The following PCDHGA3 variants were observed in gnomAD, a reference collection of about 807,000 sequenced individuals.
The protein encoded by PCDHGA3 is protocadherin gamma-A3.
Under a neutral mutation model 58.5 loss-of-function variants are expected in PCDHGA3, and 40 were observed. The observed-to-expected ratio is 0.68, with a 90% CI of 0.53 to 0.89. PCDHGA3 has a LOEUF of 0.89. PCDHGA3 is among the 40% of genes least tolerant of loss of function. The pLI, the probability that PCDHGA3 is intolerant of heterozygous loss-of-function variation, is 0.00. For synonymous variants in PCDHGA3, 530 were observed against 525.7 expected, an observed-to-expected ratio of 1.01 and a Z score of -0.11; for missense variants, 1,223 against 1,195.9, an observed-to-expected ratio of 1.02 and a Z score of -0.33.
rs1357530807 is a variant in PCDHGA3, at chr5:141,365,228, G to A, written c.2424+18771G>A. On this transcript the variant is annotated intron_variant, in intron 1 of 3. Coordinates refer to ENST00000253812, the MANE Select transcript of PCDHGA3 (RefSeq NM_018916.4). ...TTTCCAACTTGATTCCAACCTGGGG[G>A]AAATCTCAACTCTACAATCACTGGA... 2.5e-6 allele frequency: 4 copies of A among 1,613,942 alleles called. No homozygotes were observed. In the South Asian group the frequency reaches 3.3e-5, roughly 13 times the overall value.
intron 1 of PCDHGA3, among the ~76,000 whole-genome samples, chr5:141,454,831 A>C (rs1489772379): frequency 1.3e-5 from 1 of 78,366 alleles, no homozygotes; most frequent in African/African-American, 6.7e-5. Context: ...TTTTTGAGAC[A>C]GAGTCGCGCT....
chr5:141,433,204 C>CT, intron 1 of PCDHGA3: 2 of 1,566,944 alleles, frequency 1.3e-6, no homozygotes, highest in Admixed American at 2.0e-5. Flanking sequence ...ATCAAATCTT[C>CT]TTTCTTTTTT....
chr5:141,494,843 G>T lies in PCDHGA3; in HGVS notation c.2461G>T (p.Ala821Ser). The T allele has an allele frequency of 6.2e-7, 1 of 1,614,088 alleles. No individual in the cohort carries two copies. The highest frequency in any genetic ancestry group is 8.5e-7 in the Non-Finnish European group (1 of 1,180,006). ...PPNTDWRFSQ[A>S]QRPGTSGSQN... Reference sequence around the variant, plus strand: ...CAACACGGACTGGCGTTTCTCTCAGGCCCAGAGACCCGGCACCAGCGGGTA... The same window carrying T: ...CAACACGGACTGGCGTTTCTCTCAGTCCCAGAGACCCGGCACCAGCGGGTA... Residue 821 changes from alanine (A) to serine (S), a missense_variant, in exon 2 of 4, where the codon GCC becomes TCC. This residue lies in a region of PCDHGA3 where 325 missense variants were observed against 327.5 expected (regional missense o/e 0.99). Transcript: ENST00000253812.
At chr5:141,415,569 A>G (rs962518094) in intron 1 of PCDHGA3, 12 of 1,614,092 alleles carry the variant, frequency 7.4e-6, no homozygotes, top group Non-Finnish European at 1.0e-5. Flanking sequence ...TGTCTTTGTT[A>G]GATGATTCGA....
At chr5:141,430,737 A>G in intron 1 of PCDHGA3, 1 of 1,498,286 alleles carries the variant, frequency 6.7e-7, no homozygotes, top group South Asian at 1.4e-5. Flanking sequence ...CAGAATTGAA[A>G]ATAATTCTGG....
chr5:141,505,270 G>C, intron 2 of PCDHGA3, 123 bp from the exon 3 acceptor site: 1 of 1,520,726 alleles, frequency 6.6e-7, no homozygotes, highest in African/African-American at 1.4e-5. Context: ...CTTGCTGAGA[G>C]AAACAGGTCT....
chr5:141,486,168 A>C lies in PCDHGA3; in HGVS notation c.2425-8639A>C, dbSNP rs774913463. 6.2e-7 allele frequency: 1 copy of C among 1,614,196 alleles called. No homozygotes were observed. Among genetic ancestry groups the C allele is most frequent in the South Asian group, 1.1e-5 (1 of 91,084 alleles). On this transcript the variant is annotated intron_variant, in intron 1 of 3. Transcript: ENST00000253812. The surrounding 1 kb of genome is among the most constrained non-coding windows in gnomAD (Gnocchi z 5.0). ...GATGGGGGTTCTCCAGCCATGGAGC[A>C]ACATTGCAGCCTTCGAGTGGATCTG...
chr5:141,364,676 AT>A, intron 1 of PCDHGA3: 2 of 1,614,002 alleles, frequency 1.2e-6, no homozygotes, highest in South Asian at 2.2e-5. Context: ...CAAAATGAAA[AT>A]TTATGGAGTA....
At chr5:141,428,066 A>T in intron 1 of PCDHGA3, 2 of 1,609,118 alleles carry the variant, frequency 1.2e-6, no homozygotes, top group Non-Finnish European at 1.7e-6. Context: ...CGGTGGACGC[A>T]GATTCGGGAC....
In PCDHGA3 at chr5:141,491,667, G is replaced by C. The variant is rs746903142; in HGVS notation, c.2425-3140G>C. The C allele has an allele frequency of 3.7e-6, 6 of 1,613,678 alleles. No individual in the cohort carries two copies. The South Asian group carries it at 6.6e-5, about 18-fold the overall frequency. On this transcript the variant is annotated intron_variant, in intron 1 of 3. Transcript: ENST00000253812. This position sits in a 1 kb window ranked among gnomAD's most constrained non-coding sequence, Gnocchi z 6.9. Reference sequence around the variant, plus strand: ...TGGCGCTGGAGCCTGACGCCATCCGGTCCCGCTCTAATACGCTGCGGGAGC... The same window carrying C: ...TGGCGCTGGAGCCTGACGCCATCCGCTCCCGCTCTAATACGCTGCGGGAGC...
intron 2 of PCDHGA3, among the ~76,000 whole-genome samples, chr5:141,501,526 G>A (rs2099809738): frequency 6.6e-6 from 1 of 151,962 alleles, no homozygotes; most frequent in Non-Finnish European, 1.5e-5. Context: ...CTGAAGCCCA[G>A]TACGTTGTTG....
At chr5:141,501,606 G>A (rs2099810134) in intron 2 of PCDHGA3, among the ~76,000 whole-genome samples, 1 of 152,012 alleles carries the variant, frequency 6.6e-6, no homozygotes, top group African/African-American at 2.4e-5. Flanking sequence ...AGTTCCAGCT[G>A]TGTGACTCTG....
chr5:141,438,682 A>G (rs1282726848), intron 1 of PCDHGA3, among the ~76,000 whole-genome samples: 13 of 140,730 alleles, frequency 9.2e-5, no homozygotes, highest in Admixed American at 6.6e-4. Flanking sequence ...GGAGTAGGGG[A>G]TGGAGTCTTG....
At chr5:141,406,244 G>C (rs1214749681) in intron 1 of PCDHGA3, among the ~76,000 whole-genome samples, 1 of 151,936 alleles carries the variant, frequency 6.6e-6, no homozygotes, top group Non-Finnish European at 1.5e-5. Context: ...ATGTTGCCCA[G>C]ACTGGTCTCA....
At chr5:141,370,963 G>A in intron 1 of PCDHGA3, 1 of 1,614,018 alleles carries the variant, frequency 6.2e-7, no homozygotes, top group Non-Finnish European at 8.5e-7. Flanking sequence ...GATGGCAGTA[G>A]GTACCCAGAG....
chr5:141,462,656 A>G (rs1427673992), intron 1 of PCDHGA3, among the ~76,000 whole-genome samples: 2 of 151,950 alleles, frequency 1.3e-5, no homozygotes, highest in African/African-American at 4.8e-5. Context: ...ATCCTCAATT[A>G]TCTTCATATT....
chr5:141,357,077 T>C (rs1040495853), intron 1 of PCDHGA3: 1 of 1,613,842 alleles, frequency 6.2e-7, no homozygotes, highest in African/African-American at 1.3e-5. Flanking sequence ...ACAGGCGAGG[T>C]GCGCACCGCA....
At chr5:141,394,251 G>A (rs1380359596) in intron 1 of PCDHGA3, 1 of 1,613,744 alleles carries the variant, frequency 6.2e-7, no homozygotes, top group Non-Finnish European at 8.5e-7. Flanking sequence ...ACACGACCCC[G>A]ACAGCCAGGA....
chr5:141,433,108 G>A (rs2097568903), intron 1 of PCDHGA3: 2 of 1,614,146 alleles, frequency 1.2e-6, no homozygotes, highest in East Asian at 2.2e-5. Context: ...TCAGCCAGGA[G>A]AGCTTTGAAA....
Sources: allele counts gnomAD v4.1 joint callset (sites outside exome capture counted in the v4.1 genomes callset), GRCh38; gene constraint gnomAD v4.1.1; regional missense constraint gnomAD v4.1.1; non-coding constraint Gnocchi (gnomAD v3.1); transcripts MANE v1.5; gene names NCBI Gene and HGNC (gene_info 2026-07-23, HGNC 2026-07-21).